Variants in P2RY6 observed in about 807,000 individuals in gnomAD.
P2RY6 encodes P2Y purinoceptor 6.
P2RY6 carries 19 observed loss-of-function variants against 16.3 expected under a neutral mutation model. The observed-to-expected ratio is 1.16, with a 90% CI of 0.81 to 1.71. The LOEUF is 1.71. P2RY6 is among the 40% of genes most tolerant of loss of function. The pLI, the probability that P2RY6 is intolerant of heterozygous loss-of-function variation, is 0.00. For missense variants in P2RY6, 389 were observed against 455.5 expected, an observed-to-expected ratio of 0.85 and a Z score of 1.33; for synonymous variants, 184 against 201.5, an observed-to-expected ratio of 0.91 and a Z score of 0.74.
In P2RY6 at chr11:73,298,052, C is replaced by A; in HGVS notation, c.*547C>A. On this transcript the variant is annotated 3_prime_UTR_variant, in exon 3 of 3. Coordinates refer to ENST00000540124, the MANE Select transcript of P2RY6 (RefSeq NM_001277204.2). ...CCTGGTCCATACGGGCTCCCAACTG[C>A]TGGAAGTACAGACTGGCACAGCAAC... 1 of 171,084 alleles carries A rather than the reference C, an allele frequency of 5.8e-6. No individual in the cohort carries two copies. Among genetic ancestry groups the A allele is most frequent in the East Asian group, 1.8e-4 (1 of 5,470 alleles). 10.6% of individuals were successfully genotyped at this position (171,084 alleles called of 1,614,324 possible).
intron 1 of P2RY6, among the ~76,000 whole-genome samples, chr11:73,265,784 T>C (rs925685383): frequency 1.3e-5 from 2 of 152,180 alleles, no homozygotes; most frequent in African/African-American, 4.8e-5. Flanking sequence ...GTTTGTGTCA[T>C]CCAAGCTTGG....
chr11:73,274,943 G>C (rs1231485628), intron 1 of P2RY6, among the ~76,000 whole-genome samples: 2 of 152,284 alleles, frequency 1.3e-5, no homozygotes, highest in Non-Finnish European at 2.9e-5. Context: ...CTCCCTCTGT[G>C]ACTGTTGGCT....
rs2135690934 is a variant in P2RY6, at chr11:73,272,405, C to T, written c.-182C>T. 1.0e-6 allele frequency: 1 copy of T among 985,514 alleles called. No homozygotes were observed. Among genetic ancestry groups the T allele is most frequent in the Non-Finnish European group, 1.2e-6 (1 of 829,960 alleles). 61.0% of individuals were successfully genotyped at this position (985,514 alleles called of 1,614,324 possible). A position where few individuals can be genotyped will look rare whatever the true frequency, so the allele number is the denominator to read the frequency against. ...AACTGACTGGCAGCAGGGGCTGCTC[C>T]ACGAGTGGGAATTTGCTCCAGCACT... is the stretch of plus-strand genomic sequence containing the variant. On this transcript the variant is annotated 5_prime_UTR_variant, in exon 1 of 3. Transcript: ENST00000540124.
Position 73,297,421 on chromosome 11 carries a change from CT to C in P2RY6, c.904del (p.Tyr302ThrfsTer57), listed in dbSNP as rs1425558195. The C allele has an allele frequency of 8.1e-6, 13 of 1,612,472 alleles. No homozygotes were observed. Among genetic ancestry groups the C allele is most frequent in the Non-Finnish European group, 1.1e-5 (13 of 1,180,022 alleles). On this transcript the variant is annotated frameshift_variant, in exon 3 of 3. Coordinates refer to ENST00000540124, the MANE Select transcript of P2RY6 (RefSeq NM_001277204.2). LOFTEE classifies it high-confidence loss of function. ...ACAGCGTGCTGGACCCCATCCTCTT[CT>C]ACTTCACCCAGAAGAAGTTCCGCCG... ...ANSVLDPILF[Y>X]FTQKKFRRRP...
At chr11:73,281,849 C>A (rs978735180) in intron 1 of P2RY6, among the ~76,000 whole-genome samples, 1 of 152,354 alleles carries the variant, frequency 6.6e-6, no homozygotes, top group East Asian at 1.9e-4. Flanking sequence ...CTCCCCTCCC[C>A]AGTCTGTCTG....
Position 73,295,813 on chromosome 11 carries a change from CT to C in P2RY6, c.-36del. The C allele has an allele frequency of 1.0e-6, 1 of 982,832 alleles. No homozygotes were observed. The highest frequency in any genetic ancestry group is 1.2e-6 in the Non-Finnish European group (1 of 827,552). 60.9% of individuals were successfully genotyped at this position (982,832 alleles called of 1,614,324 possible). A position where few individuals can be genotyped will look rare whatever the true frequency, so the allele number is the denominator to read the frequency against. ...GATGGGTGCGGTCCTCAGTGAGCCC[CT>C]GGTGTGTGGACCCTTCGCATTGGTT... On this transcript the variant is annotated splice_region_variant and 5_prime_UTR_variant, in exon 2 of 3. The change abolishes the stop of an existing upstream ORF in the 5' untranslated region. Transcript: ENST00000540124.
chr11:73,274,159 G>T (rs551268325), intron 1 of P2RY6, among the ~76,000 whole-genome samples: 14 of 152,324 alleles, frequency 9.2e-5, no homozygotes, highest in African/African-American at 2.9e-4. Context: ...ATGGAGGCTT[G>T]TTGAAGGGAA....
intron 1 of P2RY6, among the ~76,000 whole-genome samples, chr11:73,288,509 G>A (rs1040454444): frequency 1.1e-4 from 16 of 152,222 alleles, no homozygotes; most frequent in Admixed American, 8.5e-4. Flanking sequence ...TCCTTCTGTA[G>A]CCAGCCAGAT....
At position 73,281,983 on chromosome 11, in the gene P2RY6, C is replaced by A. The variant is rs145351480; in HGVS notation, c.-121+9517C>A. On this transcript the variant is annotated intron_variant, in intron 1 of 2. Coordinates refer to ENST00000540124, the MANE Select transcript of P2RY6 (RefSeq NM_001277204.2). ...TGGAGCATCAGGCTTGATGACTGGACACAGAGATGGGAGGCTCCCCACCAG... is the reference window on the plus strand; with the variant it reads ...TGGAGCATCAGGCTTGATGACTGGAAACAGAGATGGGAGGCTCCCCACCAG... Among the ~76,000 whole-genome samples, 160 of 152,290 alleles carry A rather than the reference C, an allele frequency of 1.1e-3. 1 individual carries two copies. The highest frequency in any genetic ancestry group is 1.7e-3 in the Non-Finnish European group (117 of 68,026).
At chr11:73,290,335 GAAAGAAA>G (rs1344710542) in intron 1 of P2RY6, among the ~76,000 whole-genome samples, 2 of 149,986 alleles carry the variant, frequency 1.3e-5, no homozygotes, top group African/African-American at 2.5e-5. Flanking sequence ...AAGAAAGAAA[GAAAGAAA>G]GAAAGAAAGA....
upstream of P2RY6, among the ~76,000 whole-genome samples, chr11:73,268,451 C>T (rs1405818455): frequency 6.6e-6 from 1 of 152,128 alleles, no homozygotes; most frequent in East Asian, 1.9e-4. Flanking sequence ...TAGAAAGGCC[C>T]TGTCTCTACA....
chr11:73,280,934 A>G (rs1863735940), intron 1 of P2RY6, among the ~76,000 whole-genome samples: 1 of 152,196 alleles, frequency 6.6e-6, no homozygotes, highest in Non-Finnish European at 1.5e-5. Context: ...GCCAGGGTCC[A>G]TCTGGCCACA....
chr11:73,291,814 C>T (rs919628722), intron 1 of P2RY6, among the ~76,000 whole-genome samples: 25 of 152,148 alleles, frequency 1.6e-4, no homozygotes, highest in Non-Finnish European at 2.6e-4. Context: ...CATATTCTAC[C>T]GAGGAGGCTC....
At position 73,294,111 on chromosome 11, in the gene P2RY6, C is replaced by T. The variant is rs111576910; in HGVS notation, c.-120-1619C>T. Among the ~76,000 whole-genome samples the T allele has an allele frequency of 4.8e-3, 730 of 152,110 alleles. 8 individuals carry two copies. The highest frequency in any genetic ancestry group is 0.017 in the African/African-American group (696 of 41,488). Reference sequence around the variant, plus strand: ...CTGCAAGGACAGAGGGTTATGGTGACGAGGGGAACATGATAGAGGGGTGCT... The same window carrying T: ...CTGCAAGGACAGAGGGTTATGGTGATGAGGGGAACATGATAGAGGGGTGCT... On this transcript the variant is annotated intron_variant, in intron 1 of 2. Transcript: ENST00000540124.
intron 1 of P2RY6, among the ~76,000 whole-genome samples, chr11:73,286,624 C>A (rs972591745): frequency 6.6e-6 from 1 of 151,738 alleles, no homozygotes. Flanking sequence ...AGAGCCCCGG[C>A]GCTCATCTTT....
intron 1 of P2RY6, among the ~76,000 whole-genome samples, chr11:73,275,430 G>C (rs1565162626): frequency 6.6e-6 from 1 of 152,196 alleles, no homozygotes; most frequent in Non-Finnish European, 1.5e-5. Flanking sequence ...TGAGGGACAG[G>C]GGCATGACAG....
At chr11:73,286,729 C>T (rs539600790) in intron 1 of P2RY6, among the ~76,000 whole-genome samples, 2 of 152,214 alleles carry the variant, frequency 1.3e-5, no homozygotes, top group Middle Eastern at 3.4e-3. Context: ...AGACCTTGTC[C>T]CCTGTTCCTA....
At chr11:73,293,754 G>C (rs1864365712) in intron 1 of P2RY6, among the ~76,000 whole-genome samples, 8 of 152,160 alleles carry the variant, frequency 5.3e-5, no homozygotes, top group Admixed American at 5.2e-4. Flanking sequence ...CCTTCCAAGA[G>C]GGAGGGGAGG....
At chr11:73,285,329 C>G (rs1863927288) in intron 1 of P2RY6, among the ~76,000 whole-genome samples, 1 of 152,284 alleles carries the variant, frequency 6.6e-6, no homozygotes, top group Non-Finnish European at 1.5e-5. Flanking sequence ...CCGCCTTGGC[C>G]TCCCAAAGTG....
Sources: gnomAD v4.1 joint callset for allele counts (sites outside exome capture counted in the v4.1 genomes callset) on GRCh38, gnomAD v4.1.1 for gene constraint, MANE v1.5 for transcripts, NCBI Gene and HGNC (gene_info 2026-07-23, HGNC 2026-07-21) for gene names.